The following PPP2R5E variants were observed in gnomAD, a reference collection of about 807,000 sequenced individuals.
PPP2R5E encodes serine/threonine-protein phosphatase 2A 56 kDa regulatory subunit epsilon isoform.
In PPP2R5E, 4 loss-of-function variants were observed where a neutral mutation model predicts 65.3. The observed-to-expected ratio is 0.06, with a 90% CI of 0.03 to 0.14. The LOEUF is 0.14. PPP2R5E is among the 10% of genes least tolerant of loss of function. The pLI is 1.00. For synonymous variants in PPP2R5E, 183 were observed against 187.4 expected, an observed-to-expected ratio of 0.98 and a Z score of 0.19; for missense variants, 274 against 556.1, an observed-to-expected ratio of 0.49 and a Z score of 5.10.
chr14:63,417,041 A>G (rs761101351), intron 4 of PPP2R5E, among the ~76,000 whole-genome samples: 32 of 152,226 alleles, frequency 2.1e-4, no homozygotes, highest in Non-Finnish European at 4.1e-4. Context: ...ATCTGAAATG[A>G]TATCAATGAA....
Position 63,406,948 on chromosome 14 carries a change from T to C in PPP2R5E, c.549+8192A>G, listed in dbSNP as rs905465400. On this transcript the variant is annotated intron_variant, in intron 5 of 13. Transcript: ENST00000337537. ...GACAGGCTAACACTATATGATTTCATGGACTGAAGCTATTAAAGAAAACAG... is the reference window on the plus strand; with the variant it reads ...GACAGGCTAACACTATATGATTTCACGGACTGAAGCTATTAAAGAAAACAG... Among the ~76,000 whole-genome samples, 4 of 152,202 alleles carry C rather than the reference T, an allele frequency of 2.6e-5. No homozygotes were observed. The East Asian group carries it at 5.8e-4, about 22-fold the overall frequency.
At chr14:63,387,599 T>C (rs953825392) in intron 11 of PPP2R5E, among the ~76,000 whole-genome samples, 3 of 147,470 alleles carry the variant, frequency 2.0e-5, no homozygotes, top group South Asian at 2.2e-4. Context: ...CATTTATTAA[T>C]GAACACTTAA....
At chr14:63,388,265 C>T (rs929879162) in intron 11 of PPP2R5E, among the ~76,000 whole-genome samples, 7 of 152,000 alleles carry the variant, frequency 4.6e-5, no homozygotes, top group Non-Finnish European at 7.4e-5. Flanking sequence ...CTCAGCTTCC[C>T]GAGTAGTTGG....
chr14:63,497,759 C>A (rs1271333955), intron 2 of PPP2R5E, among the ~76,000 whole-genome samples: 6 of 145,314 alleles, frequency 4.1e-5, no homozygotes, highest in African/African-American at 1.1e-4. Context: ...AAAAAACAAA[C>A]AAACAAACAA....
At chr14:63,380,210 A>G (rs1226342793) in intron 13 of PPP2R5E, among the ~76,000 whole-genome samples, 1 of 152,160 alleles carries the variant, frequency 6.6e-6, no homozygotes, top group Non-Finnish European at 1.5e-5. Context: ...GTGCTTTCAG[A>G]GAAGATGTTA....
intron 5 of PPP2R5E, among the ~76,000 whole-genome samples, chr14:63,402,672 A>G (rs530959086): frequency 1.3e-5 from 2 of 152,280 alleles, no homozygotes; most frequent in Non-Finnish European, 2.9e-5. Flanking sequence ...CAGAAGCACT[A>G]GAACATTAAA....
chr14:63,421,278 TC>T (rs2139884209), intron 4 of PPP2R5E, among the ~76,000 whole-genome samples: 2 of 152,210 alleles, frequency 1.3e-5, no homozygotes, highest in South Asian at 4.1e-4. Flanking sequence ...CTTGCTCTAT[TC>T]TTTTGAGAAA....
intron 2 of PPP2R5E, among the ~76,000 whole-genome samples, chr14:63,484,343 T>TCA (rs1156834992): frequency 1.5e-4 from 20 of 133,342 alleles, no homozygotes; most frequent in African/African-American, 6.1e-4. Context: ...TTTCTCTCTC[T>TCA]CTCTCACACA....
At chr14:63,447,163 AAG>A (rs1888526674) in intron 3 of PPP2R5E, among the ~76,000 whole-genome samples, 1 of 152,206 alleles carries the variant, frequency 6.6e-6, no homozygotes, top group South Asian at 2.1e-4. Flanking sequence ...AGTTCCTAAC[AAG>A]AGAGTCAGCC....
intron 13 of PPP2R5E, 43 bp from the exon 14 acceptor site, chr14:63,376,151 TG>T (rs775756868): frequency 7.5e-7 from 1 of 1,329,868 alleles, no homozygotes; most frequent in Admixed American, 1.7e-5. Flanking sequence ...TGAGGTTTAA[TG>T]AGATTATGCA....
At position 63,528,714 on chromosome 14, in the gene PPP2R5E, C is replaced by CA. The variant is rs59620197; in HGVS notation, c.157+10814dup. Among the ~76,000 whole-genome samples, 273 of 141,460 alleles carry CA rather than the reference C, an allele frequency of 1.9e-3. 1 individual carries two copies. Among genetic ancestry groups the CA allele is most frequent in the African/African-American group, 5.5e-3 (210 of 38,510 alleles). The allele number at this position is 141,460 out of a possible 152,430, so 92.8% of individuals were successfully genotyped here. ...TAAACTAAAATTGGCCTGGGTTTTG[C>CA]AAAAAAAAAATAAACTGTTTAAATA... On this transcript the variant is annotated intron_variant, in intron 2 of 13. Coordinates refer to ENST00000337537, the MANE Select transcript of PPP2R5E (RefSeq NM_006246.5).
At chr14:63,455,994 T>C (rs894120298) in intron 2 of PPP2R5E, among the ~76,000 whole-genome samples, 6 of 152,190 alleles carry the variant, frequency 3.9e-5, no homozygotes, top group Non-Finnish European at 7.3e-5. Flanking sequence ...CTCAAACTCC[T>C]GACCTCAGGT....
chr14:63,520,217 A>T (rs1343705096), intron 2 of PPP2R5E, among the ~76,000 whole-genome samples: 1 of 151,420 alleles, frequency 6.6e-6, no homozygotes, highest in African/African-American at 2.4e-5. Flanking sequence ...TTGCATTTTT[A>T]GTAGAGATGG....
At chr14:63,474,742 A>G (rs1890321258) in intron 2 of PPP2R5E, among the ~76,000 whole-genome samples, 1 of 151,956 alleles carries the variant, frequency 6.6e-6, no homozygotes, top group Non-Finnish European at 1.5e-5. Flanking sequence ...TTTGGGGGAA[A>G]AAAAGGAAGA....
At chr14:63,465,635 T>A (rs10133014) in intron 2 of PPP2R5E, among the ~76,000 whole-genome samples, 45,569 of 151,752 alleles carry the variant, frequency 0.3, 8,532 homozygotes, top group African/African-American at 0.53. Context: ...CAAAAAAAAA[T>A]TTTTTTTAAA....
At chr14:63,478,947 AC>A (rs11312031) in intron 2 of PPP2R5E, among the ~76,000 whole-genome samples, 49,557 of 151,518 alleles carry the variant, frequency 0.33, 10,794 homozygotes, top group African/African-American at 0.62. Context: ...ATATGGTGAA[AC>A]CCCCATCTTG....
chr14:63,428,636 T>A (rs182456695), intron 3 of PPP2R5E, among the ~76,000 whole-genome samples: 3 of 152,276 alleles, frequency 2.0e-5, no homozygotes, highest in African/African-American at 7.2e-5. Flanking sequence ...TTGTTAAGTA[T>A]GGTGCTGCAA....
chr14:63,542,056 C>T (rs1042844722), intron 1 of PPP2R5E, among the ~76,000 whole-genome samples: 1 of 152,222 alleles, frequency 6.6e-6, no homozygotes, highest in South Asian at 2.1e-4. Context: ...AACACTACAA[C>T]ATTTCAGTAA....
chr14:63,422,497 T>C (rs567239772), intron 3 of PPP2R5E, among the ~76,000 whole-genome samples: 18 of 151,916 alleles, frequency 1.2e-4, no homozygotes, highest in Admixed American at 5.9e-4. Flanking sequence ...GAGGCCAAGG[T>C]GGGGGGATCA....
Sources: gnomAD v4.1 joint callset for allele counts (sites outside exome capture counted in the v4.1 genomes callset) on GRCh38, gnomAD v4.1.1 for gene constraint, MANE v1.5 for transcripts, NCBI Gene and HGNC (gene_info 2026-07-23, HGNC 2026-07-21) for gene names.